Variants in ZBTB48 observed in about 807,000 individuals in gnomAD.
The protein encoded by ZBTB48 is zinc finger and BTB domain containing 48, also known as zinc finger and BTB domain-containing protein 48.
Under a neutral mutation model 64.5 loss-of-function variants are expected in ZBTB48, and 35 were observed. The observed-to-expected ratio is 0.54, with a 90% CI of 0.41 to 0.72. The LOEUF is 0.72. Ranked by LOEUF, ZBTB48 falls within the 30% of genes least tolerant of loss-of-function variation. The pLI is 0.00. For missense variants in ZBTB48, 828 were observed against 895.3 expected (o/e 0.92, Z 0.96); for synonymous variants, 442 against 356.7 (o/e 1.24, Z -2.70).
Position 6,588,422 on chromosome 1 carries a change from T to C in ZBTB48, c.1661T>C (p.Ile554Thr). The C allele has an allele frequency of 6.4e-7, 1 of 1,556,044 alleles. No homozygotes were observed. Among genetic ancestry groups the C allele is most frequent in the Non-Finnish European group, 8.7e-7 (1 of 1,149,442 alleles). Residue 554 changes from isoleucine to threonine, a missense_variant, in exon 9 of 11, where the codon ATA (isoleucine) becomes ACA (threonine). Ile to Thr is a moderately conservative substitution (Grantham distance 89). Coordinates refer to ENST00000377674, the MANE Select transcript of ZBTB48 (RefSeq NM_005341.4). ...HQEGRPHFCQ[I>T]CGKTFKAVEQ... Reference sequence around the variant, plus strand: ...GAGGGCCGGCCCCACTTCTGCCAGATATGCGGCAAGACCTTCAAAGGTACC... The same window carrying C: ...GAGGGCCGGCCCCACTTCTGCCAGACATGCGGCAAGACCTTCAAAGGTACC...
At position 6,580,909 on chromosome 1, in the gene ZBTB48, G is replaced by C. The variant is rs745547437; in HGVS notation, c.300G>C (p.Arg100Ser). ...GNRDQVLLAA[R>S]ELRVPEAVEL... ...GGGATCAGGTGCTCCTGGCAGCCAGGGAGTTGCGAGTGCCAGAGGCCGTAG... is the reference window on the plus strand; with the variant it reads ...GGGATCAGGTGCTCCTGGCAGCCAGCGAGTTGCGAGTGCCAGAGGCCGTAG... Residue 100 changes from arginine to serine, a missense_variant, in exon 2 of 11, where the codon AGG becomes AGC. By Grantham distance (110) the Arg-to-Ser change is moderately radical. Transcript: ENST00000377674. The surrounding 1 kb of genome is among the most constrained non-coding windows in gnomAD (Gnocchi z 5.2). 1.2e-6 allele frequency: 2 copies of C among 1,613,958 alleles called. No homozygotes were observed. Among genetic ancestry groups the C allele is most frequent in the African/African-American group, 2.7e-5 (2 of 74,924 alleles).
Position 6,580,172 on chromosome 1 carries a change from C to T in ZBTB48, c.-70+36C>T, listed in dbSNP as rs535545071. 2.6e-5 allele frequency: 5 copies of T among 193,838 alleles called. No individual in the cohort carries two copies. The highest frequency in any genetic ancestry group is 8.6e-5 in the South Asian group (1 of 11,650). The allele number at this position is 193,838 out of a possible 1,614,324, so 12.0% of individuals were successfully genotyped here. A position where few individuals can be genotyped will look rare whatever the true frequency, so the allele number is the denominator to read the frequency against. On this transcript the variant is annotated intron_variant, in intron 1 of 10. Coordinates refer to ENST00000377674, the MANE Select transcript of ZBTB48 (RefSeq NM_005341.4). The surrounding 1 kb of genome is among the most constrained non-coding windows in gnomAD (Gnocchi z 5.2). The stretch of plus-strand genomic sequence containing the variant: ...CGCGGGGTGAGGGAGGGAGGGGCTG[C>T]GGGCCGCCGTGGCTGCCTTCCGCTC...
Position 6,580,730 on chromosome 1 carries a change from T to C in ZBTB48, c.121T>C (p.Trp41Arg), listed in dbSNP as rs1640413247. Residue 41 changes from tryptophan (W) to arginine (R), a missense_variant, in exon 2 of 11, where the codon TGG (tryptophan) becomes CGG (arginine). Transcript: ENST00000377674. The surrounding 1 kb of genome is among the most constrained non-coding windows in gnomAD (Gnocchi z 5.2). ...GGGGGGCCTGGTGTTTAAGGCACAC[T>C]GGAGTGTCCTTGCCTGCTGCAGTCA... Reference protein sequence around the residue: ...DVGGLVFKAHWSVLACCSHFF... With the variant: ...DVGGLVFKAHRSVLACCSHFF... 2.5e-6 allele frequency: 4 copies of C among 1,614,050 alleles called. No homozygotes were observed. The highest frequency in any genetic ancestry group is 1.1e-5 in the South Asian group (1 of 91,088).
chr1:6,586,090 G>A, intron 4 of ZBTB48, 60 bp downstream of exon 4: 1 of 1,559,460 alleles, frequency 6.4e-7, no homozygotes. Context: ...CTGTCTTCGT[G>A]CCATCCGGGA....
At chr1:6,586,089 TG>T in intron 4 of ZBTB48, 59 bp downstream of exon 4, 4 of 1,561,994 alleles carry the variant, frequency 2.6e-6, no homozygotes, top group Non-Finnish European at 3.5e-6. Context: ...TCTGTCTTCG[TG>T]CCATCCGGGA....
At position 6,580,806 on chromosome 1, in the gene ZBTB48, C is replaced by T; in HGVS notation, c.197C>T (p.Pro66Leu). 1 of 1,614,252 alleles carries T rather than the reference C, an allele frequency of 6.2e-7. No homozygotes were observed. The highest frequency in any genetic ancestry group is 8.5e-7 in the Non-Finnish European group (1 of 1,180,050). Residue 66 changes from proline to leucine, a missense_variant, in exon 2 of 11, where the codon CCT (proline) becomes CTT (leucine). Coordinates refer to ENST00000377674, the MANE Select transcript of ZBTB48 (RefSeq NM_005341.4). The surrounding 1 kb of genome is among the most constrained non-coding windows in gnomAD (Gnocchi z 5.2). ...GGCTCAGGGGGCAGTGTCGTCCTCC[C>T]TGCTGGCTTCGCTGAGATCTTTGGC... ...GDGSGGSVVL[P>L]AGFAEIFGLL...
rs1020113149 is a variant in ZBTB48, at chr1:6,584,613, G to A, written c.933-1306G>A. Among the ~76,000 whole-genome samples the A allele has an allele frequency of 2.6e-5, 4 of 152,264 alleles. No homozygotes were observed. The highest frequency in any genetic ancestry group is 9.6e-5 in the African/African-American group (4 of 41,468). ...CCAGTGGAATGCTGGGATAACCCCA[G>A]TGTCGGGGGTCCTGGGGCAGCCTGT... On this transcript the variant is annotated intron_variant, in intron 3 of 10. Coordinates refer to ENST00000377674, the MANE Select transcript of ZBTB48 (RefSeq NM_005341.4). This position sits in a 1 kb window ranked among gnomAD's most constrained non-coding sequence, Gnocchi z 4.5.
At chr1:6,583,687 G>C (rs762955173) in intron 3 of ZBTB48, among the ~76,000 whole-genome samples, 2 of 148,330 alleles carry the variant, frequency 1.3e-5, no homozygotes, top group Non-Finnish European at 3.0e-5. Context: ...TGCAACTTCT[G>C]TCTCCCAGGT....
At chr1:6,582,370 C>G in intron 3 of ZBTB48, 71 bp downstream of exon 3, 1 of 1,560,506 alleles carries the variant, frequency 6.4e-7, no homozygotes, top group Non-Finnish European at 8.7e-7. Flanking sequence ...TCCTGCACTT[C>G]CCACTTCTGG....
At position 6,584,082 on chromosome 1, in the gene ZBTB48, A is replaced by AT. The variant is rs1640573689; in HGVS notation, c.932+1790dup. Among the ~76,000 whole-genome samples the AT allele has an allele frequency of 7.7e-6, 1 of 129,788 alleles. No homozygotes were observed. The highest frequency in any genetic ancestry group is 3.0e-5 in the African/African-American group (1 of 33,148). 85.1% of individuals were successfully genotyped at this position (129,788 alleles called of 152,430 possible). On this transcript the variant is annotated intron_variant, in intron 3 of 10. Coordinates refer to ENST00000377674, the MANE Select transcript of ZBTB48 (RefSeq NM_005341.4). This position sits in a 1 kb window ranked among gnomAD's most constrained non-coding sequence, Gnocchi z 4.5. ...CAGGCGTGAGCCACCGTGCCCAGCC[A>AT]TTTTTTTACTTTTTAGTAGTGATGG... is the stretch of plus-strand genomic sequence containing the variant.
chr1:6,580,884 G>A lies in ZBTB48; in HGVS notation c.275G>A (p.Arg92Gln), dbSNP rs1361880510. ...CACCTCGCTCTCACCTCAGGGAACCGGGATCAGGTGCTCCTGGCAGCCAGG... is the reference window on the plus strand; with the variant it reads ...CACCTCGCTCTCACCTCAGGGAACCAGGATCAGGTGCTCCTGGCAGCCAGG... Reference protein sequence around the residue: ...TGHLALTSGNRDQVLLAAREL... With the variant: ...TGHLALTSGNQDQVLLAAREL... The change falls in exon 2 of 11, where the codon CGG (arginine) becomes CAG (glutamine). Residue 92 changes from arginine (R) to glutamine (Q), a missense_variant. Coordinates refer to ENST00000377674, the MANE Select transcript of ZBTB48 (RefSeq NM_005341.4). The surrounding 1 kb of genome is among the most constrained non-coding windows in gnomAD (Gnocchi z 5.2). 1 of 1,614,102 alleles carries A rather than the reference G, an allele frequency of 6.2e-7. No homozygotes were observed. The highest frequency in any genetic ancestry group is 8.5e-7 in the Non-Finnish European group (1 of 1,180,048).
At position 6,580,708 on chromosome 1, in the gene ZBTB48, G is replaced by A; in HGVS notation, c.99G>A (p.Gly33=). 1 of 1,614,144 alleles carries A rather than the reference G, an allele frequency of 6.2e-7. No homozygotes were observed. ...ACTGCGACGCCACTCTGGACGTGGGGGGCCTGGTGTTTAAGGCACACTGGA... is the reference window on the plus strand; with the variant it reads ...ACTGCGACGCCACTCTGGACGTGGGAGGCCTGGTGTTTAAGGCACACTGGA... ...GQYCDATLDV[G]GLVFKAHWSV... is the part of the protein sequence containing the mutation. The change falls in exon 2 of 11, where the codon GGG becomes GGA. Residue 33 remains glycine, a synonymous_variant. Coordinates refer to ENST00000377674, the MANE Select transcript of ZBTB48 (RefSeq NM_005341.4). The surrounding 1 kb of genome is among the most constrained non-coding windows in gnomAD (Gnocchi z 5.2).
chr1:6,580,810 T>C lies in ZBTB48; in HGVS notation c.201T>C (p.Ala67=), dbSNP rs1316406148. Residue 67 remains alanine, a synonymous_variant, in exon 2 of 11, where the codon GCT becomes GCC. Coordinates refer to ENST00000377674, the MANE Select transcript of ZBTB48 (RefSeq NM_005341.4). The surrounding 1 kb of genome is among the most constrained non-coding windows in gnomAD (Gnocchi z 5.2). ...CAGGGGGCAGTGTCGTCCTCCCTGC[T>C]GGCTTCGCTGAGATCTTTGGCCTCT... is the stretch of plus-strand genomic sequence containing the variant. ...DGSGGSVVLP[A]GFAEIFGLLL... 6.2e-7 allele frequency: 1 copy of C among 1,614,260 alleles called. No individual in the cohort carries two copies. The highest frequency in any genetic ancestry group is 8.5e-7 in the Non-Finnish European group (1 of 1,180,052).
chr1:6,581,306 T>C lies in ZBTB48; in HGVS notation c.690+7T>C, dbSNP rs1192379059. The C allele has an allele frequency of 1.3e-6, 2 of 1,585,544 alleles. No individual in the cohort carries two copies. Among genetic ancestry groups the C allele is most frequent in the South Asian group, 1.1e-5 (1 of 88,988 alleles). Reference sequence around the variant, plus strand: ...GCAGGGCGGCAGTAATGAGGTACTGTGCCCAGGGTGTTGGGACTGGGGAGA... The same window carrying C: ...GCAGGGCGGCAGTAATGAGGTACTGCGCCCAGGGTGTTGGGACTGGGGAGA... On this transcript the variant is annotated splice_region_variant and intron_variant, in intron 2 of 10. Transcript: ENST00000377674.
intron 9 of ZBTB48, 67 bp downstream of exon 9, chr1:6,588,509 C>T (rs952751326): frequency 4.8e-6 from 7 of 1,455,024 alleles, no homozygotes; most frequent in South Asian, 2.9e-5. Flanking sequence ...GAGGAGGAAA[C>T]GCTCCTTTCT....
intron 3 of ZBTB48, among the ~76,000 whole-genome samples, chr1:6,583,344 A>G (rs1217582176): frequency 6.6e-6 from 1 of 151,774 alleles, no homozygotes; most frequent in Non-Finnish European, 1.5e-5. Flanking sequence ...CTCTGTTGCC[A>G]GGCTGGAGTG....
rs777613653 is a variant in ZBTB48 at position 6,581,150 on chromosome 1, G to C, written c.541G>C (p.Ala181Pro). The C allele has an allele frequency of 3.7e-6, 6 of 1,613,388 alleles. No homozygotes were observed. Among genetic ancestry groups the C allele is most frequent in the African/African-American group, 2.7e-5 (2 of 74,934 alleles). Reference protein sequence around the residue: ...SPQRPQLHSPAQSEGPSSLCG... With the variant: ...SPQRPQLHSPPQSEGPSSLCG... ...TCAGAGGCCCCAGCTCCATTCCCCA[G>C]CTCAGAGTGAGGGCCCCTCCTCCCT... is the stretch of plus-strand genomic sequence containing the variant. Residue 181 changes from alanine to proline, a missense_variant, in exon 2 of 11, where the codon GCT becomes CCT. Coordinates refer to ENST00000377674, the MANE Select transcript of ZBTB48 (RefSeq NM_005341.4).
Position 6,587,690 on chromosome 1 carries a change from C to T in ZBTB48, c.1379+58C>T, listed in dbSNP as rs185926387. Reference sequence around the variant, plus strand: ...TCCTGCTGCCAGCCCAGGCTTGCACCGGCAGGGAAGACAGAGTTTGCTGAC... The same window carrying T: ...TCCTGCTGCCAGCCCAGGCTTGCACTGGCAGGGAAGACAGAGTTTGCTGAC... On this transcript the variant is annotated intron_variant, in intron 7 of 10. Coordinates refer to ENST00000377674, the MANE Select transcript of ZBTB48 (RefSeq NM_005341.4). The T allele has an allele frequency of 4.6e-5, 74 of 1,599,756 alleles. 1 individual carries two copies. The African/African-American group carries it at 7.7e-4, about 17-fold the overall frequency.
chr1:6,582,128 C>G lies in ZBTB48; in HGVS notation c.761C>G (p.Thr254Ser), dbSNP rs766120656. Reference protein sequence around the residue: ...DYMSEPEAVLTRRKSNVIRKP... With the variant: ...DYMSEPEAVLSRRKSNVIRKP... ...ATGTCTGAGCCTGAGGCTGTGCTGA[C>G]CAGGAGGAAGTCAAATGTAATCCGA... The change falls in exon 3 of 11, where the codon ACC (threonine) becomes AGC (serine). Residue 254 changes from threonine (T) to serine (S), a missense_variant. Transcript: ENST00000377674. 13 of 1,614,154 alleles carry G rather than the reference C, an allele frequency of 8.1e-6. 1 individual carries two copies. The South Asian group carries it at 1.4e-4, about 18-fold the overall frequency.
Sources: allele counts gnomAD v4.1 joint callset (sites outside exome capture counted in the v4.1 genomes callset), GRCh38; gene constraint gnomAD v4.1.1; non-coding constraint Gnocchi (gnomAD v3.1); transcripts MANE v1.5; gene names NCBI Gene and HGNC (gene_info 2026-07-23, HGNC 2026-07-21).